The following PPM1H variants were observed in gnomAD, a reference collection of about 807,000 sequenced individuals.
The protein encoded by PPM1H is protein phosphatase 1H.
Under a neutral mutation model 54.9 loss-of-function variants are expected in PPM1H, and 27 were observed. That is an observed-to-expected ratio of 0.49 (90% CI 0.36 to 0.68). The LOEUF (loss-of-function observed/expected upper bound fraction) is 0.68. Among genes scored for constraint, PPM1H ranks in the 30% least tolerant of loss-of-function variants. The pLI is 0.00. For missense variants in PPM1H, 596 were observed against 667.8 expected, an observed-to-expected ratio of 0.89 and a Z score of 1.19; for synonymous variants, 305 against 270.8, an observed-to-expected ratio of 1.13 and a Z score of -1.24.
chr12:62,738,651 G>T (rs1381207597), intron 4 of PPM1H, among the ~76,000 whole-genome samples: 1 of 152,106 alleles, frequency 6.6e-6, no homozygotes, highest in Non-Finnish European at 1.5e-5. Context: ...ACAACAAATG[G>T]AAGTGGCTTG....
intron 1 of PPM1H, among the ~76,000 whole-genome samples, chr12:62,837,092 C>T (rs1012245351): frequency 6.6e-6 from 1 of 152,180 alleles, no homozygotes; most frequent in African/African-American, 2.4e-5. Flanking sequence ...ATGATACACA[C>T]ACTTGGAAAA....
chr12:62,905,952 A>C (rs1395605777), intron 1 of PPM1H, among the ~76,000 whole-genome samples: 2 of 152,158 alleles, frequency 1.3e-5, no homozygotes, highest in Non-Finnish European at 2.9e-5. Flanking sequence ...TGGAAAAGAA[A>C]ACATTCTGGG....
intron 7 of PPM1H, among the ~76,000 whole-genome samples, chr12:62,692,932 G>GAC (rs71278272): frequency 0.1 from 15,111 of 146,678 alleles, 806 homozygotes; most frequent in African/African-American, 0.12. Flanking sequence ...CTTTTGCTCT[G>GAC]ACACACACAC....
At chr12:62,741,921 A>G (rs1447318081) in intron 4 of PPM1H, among the ~76,000 whole-genome samples, 2 of 152,056 alleles carry the variant, frequency 1.3e-5, no homozygotes, top group Non-Finnish European at 2.9e-5. Flanking sequence ...AATATTATAT[A>G]ACTTATAGTC....
intron 1 of PPM1H, among the ~76,000 whole-genome samples, chr12:62,908,757 T>C (rs1467218021): frequency 6.6e-6 from 1 of 152,204 alleles, no homozygotes; most frequent in Non-Finnish European, 1.5e-5. Flanking sequence ...GAGCCTCCAG[T>C]AGAGTGGGTA....
intron 1 of PPM1H, among the ~76,000 whole-genome samples, chr12:62,864,954 T>C (rs2120982560): frequency 6.6e-6 from 1 of 152,350 alleles, no homozygotes; most frequent in Non-Finnish European, 1.5e-5. Flanking sequence ...AGCTTTAAGA[T>C]GATAATTTGA....
At chr12:62,734,868 C>G (rs935104163) in intron 5 of PPM1H, among the ~76,000 whole-genome samples, 1 of 151,858 alleles carries the variant, frequency 6.6e-6, no homozygotes, top group South Asian at 2.1e-4. Context: ...GACAGTGAGA[C>G]CCCCCCATCT....
intron 6 of PPM1H, among the ~76,000 whole-genome samples, chr12:62,706,361 C>G (rs903156231): frequency 6.6e-6 from 1 of 152,144 alleles, no homozygotes; most frequent in African/African-American, 2.4e-5. Context: ...TAACAGCTGT[C>G]GATATTTACC....
At chr12:62,797,080 C>T (rs1330700696) in intron 3 of PPM1H, among the ~76,000 whole-genome samples, 1 of 152,124 alleles carries the variant, frequency 6.6e-6, no homozygotes, top group Non-Finnish European at 1.5e-5. Context: ...AATATCACAG[C>T]ATTCCATTGA....
chr12:62,926,957 A>C (rs751245428), intron 1 of PPM1H, among the ~76,000 whole-genome samples: 15 of 152,212 alleles, frequency 9.9e-5, no homozygotes, highest in Non-Finnish European at 1.8e-4. Flanking sequence ...CTGTCTCAAA[A>C]AACAACAACA....
chr12:62,915,934 T>G (rs1300584833), intron 1 of PPM1H, among the ~76,000 whole-genome samples: 1 of 152,176 alleles, frequency 6.6e-6, no homozygotes, highest in Non-Finnish European at 1.5e-5. Flanking sequence ...ATGTGCCTCC[T>G]CTACACAAAA....
chr12:62,917,526 A>G (rs1338792728), intron 1 of PPM1H, among the ~76,000 whole-genome samples: 2 of 152,222 alleles, frequency 1.3e-5, no homozygotes, highest in African/African-American at 2.4e-5. Flanking sequence ...TCCAAAGTGG[A>G]AGGAAAAGCT....
chr12:62,832,240 T>G lies in PPM1H; in HGVS notation c.285A>C (p.Gln95His). Residue 95 changes from glutamine (Q) to histidine (H), a missense_variant, in exon 2 of 10, where the codon CAA (glutamine) becomes CAC (histidine). Physicochemically the swap from Gln to His is conservative, Grantham distance 24. Around this residue, in one of 3 missense-constraint regions of PPM1H, gnomAD observed 382 missense variants for 387.1 expected, o/e 0.99. Transcript: ENST00000228705. Reference sequence around the variant, plus strand: ...TCACAGTGAGCACCTCACAGCTGGCTTGGTCTTCATTGTGTGTGCTCTTCC... The same window carrying G: ...TCACAGTGAGCACCTCACAGCTGGCGTGGTCTTCATTGTGTGTGCTCTTCC... ...NAGKSTHNED[Q>H]ASCEVLTVKK... is the part of the protein sequence containing the mutation. 4 of 1,613,386 alleles carry G rather than the reference T, an allele frequency of 2.5e-6. No homozygotes were observed. Among genetic ancestry groups the G allele is most frequent in the Non-Finnish European group, 3.4e-6 (4 of 1,179,660 alleles).
In PPM1H at chr12:62,854,430, C is replaced by T. The variant is rs150850226; in HGVS notation, c.246-22151G>A. Among the ~76,000 whole-genome samples the T allele has an allele frequency of 3.5e-3, 536 of 152,126 alleles. 3 individuals carry two copies. Among genetic ancestry groups the T allele is most frequent in the African/African-American group, 0.012 (500 of 41,484 alleles). ...ACTCTCCACAAGCTTTACCCTTTTG[C>T]CTTATGTGCACACTACTTCTAATTA... On this transcript the variant is annotated intron_variant, in intron 1 of 9. Coordinates refer to ENST00000228705, the MANE Select transcript of PPM1H (RefSeq NM_020700.2).
At chr12:62,738,754 C>G (rs979655998) in intron 4 of PPM1H, among the ~76,000 whole-genome samples, 2 of 152,152 alleles carry the variant, frequency 1.3e-5, no homozygotes, top group African/African-American at 4.8e-5. Flanking sequence ...GAGCCACCAA[C>G]ATGGGAAATG....
chr12:62,932,490 G>A (rs919635483), intron 1 of PPM1H, among the ~76,000 whole-genome samples: 5 of 152,030 alleles, frequency 3.3e-5, no homozygotes, highest in Non-Finnish European at 7.4e-5. Context: ...TTCTCGCCTT[G>A]ACAGGCGCCC....
intron 1 of PPM1H, among the ~76,000 whole-genome samples, chr12:62,873,352 G>C (rs964554351): frequency 6.6e-6 from 1 of 152,204 alleles, no homozygotes; most frequent in African/African-American, 2.4e-5. Context: ...CCTAGTTCCA[G>C]ATCCTTCAGT....
At chr12:62,768,418 G>A (rs1040790521) in intron 4 of PPM1H, among the ~76,000 whole-genome samples, 1 of 152,138 alleles carries the variant, frequency 6.6e-6, no homozygotes, top group African/African-American at 2.4e-5. Context: ...CTTTTTGGGA[G>A]GCCAAGGTGG....
At chr12:62,890,817 G>C (rs576114758) in intron 1 of PPM1H, among the ~76,000 whole-genome samples, 1 of 151,584 alleles carries the variant, frequency 6.6e-6, no homozygotes, top group Admixed American at 6.6e-5. Context: ...TTTAAGACTT[G>C]ACTGTTTGAA....
Sources: gnomAD v4.1 joint callset for allele counts (sites outside exome capture counted in the v4.1 genomes callset) on GRCh38, gnomAD v4.1.1 for gene constraint, gnomAD v4.1.1 regional missense constraint, MANE v1.5 for transcripts, NCBI Gene and HGNC (gene_info 2026-07-23, HGNC 2026-07-21) for gene names.